Variants in PDPR observed in about 807,000 individuals in gnomAD.
PDPR encodes the protein pyruvate dehydrogenase phosphatase regulatory subunit, mitochondrial.
PDPR carries 50 observed loss-of-function variants against 102.2 expected under a neutral mutation model. That is an observed-to-expected ratio of 0.49 (90% CI 0.39 to 0.62). PDPR has a LOEUF of 0.62. PDPR is among the 20% of genes least tolerant of loss of function. PDPR has a pLI of 0.00. For synonymous variants in PDPR, 259 were observed against 406.0 expected (o/e 0.64, Z 4.35); for missense variants, 625 against 1,098.2 (o/e 0.57, Z 6.09).
Position 70,160,193 on chromosome 16 carries a change from C to T in PDPR, c.*3314C>T, listed in dbSNP as rs189169317. The stretch of plus-strand genomic sequence containing the variant: ...TTACCTCCCCTTCATCGTCAGGCCA[C>T]GTGTGACTTCTGTTCTTAGCACTGC... On this transcript the variant is annotated 3_prime_UTR_variant, in exon 19 of 19. Transcript: ENST00000288050. 1.0e-3 allele frequency: 153 copies of T among 152,856 alleles called. No individual in the cohort carries two copies. Among genetic ancestry groups the T allele is most frequent in the Non-Finnish European group, 1.5e-3 (103 of 68,336 alleles). 9.5% of individuals were successfully genotyped at this position (152,856 alleles called of 1,614,324 possible).
At position 70,153,465 on chromosome 16, in the gene PDPR, T is replaced by G; in HGVS notation, c.2127T>G (p.Ala709=). Residue 709 remains alanine, a synonymous_variant, in exon 18 of 19, where the codon GCT becomes GCG. Transcript: ENST00000288050. ...KYGIRNAGYY[A]LRSLRIEKFF... The stretch of plus-strand genomic sequence containing the variant: ...GAATCCGGAATGCTGGGTATTACGC[T>G]CTTCGCAGTCTCCGAATTGAGAAGT... The G allele has an allele frequency of 6.2e-7, 1 of 1,613,792 alleles. No homozygotes were observed. Among genetic ancestry groups the G allele is most frequent in the Non-Finnish European group, 8.5e-7 (1 of 1,179,800 alleles).
Position 70,143,716 on chromosome 16 carries a change from C to A in PDPR, c.1754+58C>A, listed in dbSNP as rs573184792. ...CCAACATGTTGATTCCTTAGGGGTG[C>A]TGTAGCAGAGGCTCTCAGGCGCTTC... On this transcript the variant is annotated intron_variant, in intron 14 of 18. Coordinates refer to ENST00000288050, the MANE Select transcript of PDPR (RefSeq NM_017990.5). 8.7e-5 allele frequency: 136 copies of A among 1,564,062 alleles called. No homozygotes were observed. In the East Asian group the frequency reaches 2.4e-3, roughly 28 times the overall value.
intron 2 of PDPR, among the ~76,000 whole-genome samples, chr16:70,117,612 C>CATGCACAGA (rs1962779997): frequency 6.6e-6 from 1 of 152,138 alleles, no homozygotes; most frequent in Admixed American, 6.5e-5. Context: ...GAGGGAACAG[C>CATGCACAGA]ATGCACAGAA....
At chr16:70,140,648 T>C (rs1965613388) in intron 11 of PDPR, among the ~76,000 whole-genome samples, 1 of 152,180 alleles carries the variant, frequency 6.6e-6, no homozygotes, top group African/African-American at 2.4e-5. Flanking sequence ...ACCCTGTCTC[T>C]ACTAAAAATA....
At position 70,133,111 on chromosome 16, in the gene PDPR, C is replaced by CTTTTTTTTTTT. The variant is rs140652740; in HGVS notation, c.997+822_997+832dup. ...GGGCATGAGCCATGATACCCAGCTG[C>CTTTTTTTTTTT]TTTTTTTTTTTTTTTTTTTTTGAGA... On this transcript the variant is annotated intron_variant, in intron 9 of 18. Coordinates refer to ENST00000288050, the MANE Select transcript of PDPR (RefSeq NM_017990.5). 1.4e-4 allele frequency among the ~76,000 whole-genome samples: 14 copies of CTTTTTTTTTTT among 97,256 alleles called. 1 individual carries two copies. The highest frequency in any genetic ancestry group is 4.1e-4 in the South Asian group (1 of 2,426). The allele number at this position is 97,256 out of a possible 152,430, so 63.8% of individuals were successfully genotyped here. A position where few individuals can be genotyped will look rare whatever the true frequency, so the allele number is the denominator to read the frequency against.
chr16:70,140,463 G>C (rs11645066), intron 11 of PDPR, among the ~76,000 whole-genome samples: 17,867 of 147,444 alleles, frequency 0.12, 1 homozygote, highest in Non-Finnish European at 0.15. Context: ...TTGAGCTTCT[G>C]CTTGGTGATA....
At chr16:70,118,309 G>A (rs1962863841) in intron 2 of PDPR, among the ~76,000 whole-genome samples, 1 of 152,230 alleles carries the variant, frequency 6.6e-6, no homozygotes, top group Non-Finnish European at 1.5e-5. Flanking sequence ...GGGTTTCAGG[G>A]AATGAGATGA....
intron 2 of PDPR, among the ~76,000 whole-genome samples, chr16:70,119,556 TC>T (rs1963007515): frequency 6.7e-6 from 1 of 148,570 alleles, no homozygotes; most frequent in African/African-American, 2.6e-5. Flanking sequence ...CATGCCGGCC[TC>T]CTTTTTGTTC....
rs201643448 is a variant in PDPR at position 70,153,462 on chromosome 16, C to A, written c.2124C>A (p.Tyr708Ter). Residue 708 changes from tyrosine to a stop codon, truncating the protein, a stop_gained, in exon 18 of 19, where the codon TAC (tyrosine) becomes TAA (stop). Coordinates refer to ENST00000288050, the MANE Select transcript of PDPR (RefSeq NM_017990.5). LOFTEE classifies it high-confidence loss of function. ...QKYGIRNAGY[Y>*]ALRSLRIEKF... ...ACGGAATCCGGAATGCTGGGTATTA[C>A]GCTCTTCGCAGTCTCCGAATTGAGA... 1.1e-5 allele frequency: 17 copies of A among 1,613,604 alleles called. No homozygotes were observed. Among genetic ancestry groups the A allele is most frequent in the Non-Finnish European group, 1.4e-5 (17 of 1,179,756 alleles).
intron 3 of PDPR, among the ~76,000 whole-genome samples, chr16:70,126,676 GTTTA>G (rs547852528): frequency 3.3e-4 from 51 of 152,284 alleles, no homozygotes; most frequent in African/African-American, 1.1e-3. Flanking sequence ...ATTTTTATTT[GTTTA>G]TTTATTTTTA....
At chr16:70,149,348 C>T (rs1238920051) in intron 17 of PDPR, among the ~76,000 whole-genome samples, 2 of 152,134 alleles carry the variant, frequency 1.3e-5, no homozygotes, top group Non-Finnish European at 2.9e-5. Context: ...TCACTGCAAC[C>T]TTCGCCTCCC....
intron 17 of PDPR, among the ~76,000 whole-genome samples, chr16:70,150,086 GC>G (rs1191760820): frequency 2.0e-5 from 3 of 150,196 alleles, no homozygotes; most frequent in African/African-American, 7.4e-5. Context: ...ACCGCACCCG[GC>G]CGGCTTTTTT....
intron 13 of PDPR, 76 bp from the exon 14 acceptor site, chr16:70,143,434 C>T: frequency 6.5e-7 from 1 of 1,543,098 alleles, no homozygotes; most frequent in Non-Finnish European, 8.8e-7. Context: ...CAATGAGGTT[C>T]ATTGCTGGTG....
At position 70,160,827 on chromosome 16, in the gene PDPR, G is replaced by T. The variant is rs555748740; in HGVS notation, c.*3948G>T. ...AGAATGATGGGAGCTTTCCGAGAGC[G>T]TTCAGTGTTTCACTGAAGACAGGAC... On this transcript the variant is annotated 3_prime_UTR_variant, in exon 19 of 19. Coordinates refer to ENST00000288050, the MANE Select transcript of PDPR (RefSeq NM_017990.5). 5.2e-5 allele frequency: 8 copies of T among 152,416 alleles called. No homozygotes were observed. The highest frequency in any genetic ancestry group is 1.9e-4 in the African/African-American group (8 of 41,480). 9.4% of individuals were successfully genotyped at this position (152,416 alleles called of 1,614,324 possible).
chr16:70,146,812 G>T (rs1430785356), intron 16 of PDPR, among the ~76,000 whole-genome samples: 1 of 54,598 alleles, frequency 1.8e-5, no homozygotes, highest in Non-Finnish European at 3.7e-5. Context: ...ATGTTGCAGT[G>T]AGCCGAGATT....
chr16:70,132,519 T>A (rs988752015), intron 9 of PDPR, among the ~76,000 whole-genome samples: 1 of 152,272 alleles, frequency 6.6e-6, no homozygotes, highest in Non-Finnish European at 1.5e-5. Context: ...GCCTTATTCT[T>A]TTTTAATTTT....
At position 70,153,546 on chromosome 16, in the gene PDPR, A is replaced by G; in HGVS notation, c.2208A>G (p.Gly736=). The change falls in exon 18 of 19, where the codon GGA becomes GGG. Residue 736 remains glycine (G), a synonymous_variant. Transcript: ENST00000288050. ...ACCTCACCACGCCCCTGGAATGTGG[A>G]CGAGAGTCTCGGGTGAAATTAGAGA... The part of the protein sequence containing the change: ...INNLTTPLEC[G]RESRVKLEKG... 6.2e-7 allele frequency: 1 copy of G among 1,609,548 alleles called. No homozygotes were observed. The highest frequency in any genetic ancestry group is 8.5e-7 in the Non-Finnish European group (1 of 1,178,336).
chr16:70,124,755 C>A (rs1209933032), intron 3 of PDPR, among the ~76,000 whole-genome samples: 1 of 152,192 alleles, frequency 6.6e-6, no homozygotes, highest in African/African-American at 2.4e-5. Context: ...CACACAGTTA[C>A]AAAGATGATA....
intron 4 of PDPR, 100 bp from the exon 5 acceptor site, chr16:70,128,684 G>A: frequency 6.3e-7 from 1 of 1,592,556 alleles, no homozygotes. Flanking sequence ...GCAGTCCCAG[G>A]ATTCATCACA....
Sources: allele counts gnomAD v4.1 joint callset (sites outside exome capture counted in the v4.1 genomes callset), GRCh38; gene constraint gnomAD v4.1.1; transcripts MANE v1.5; gene names NCBI Gene and HGNC (gene_info 2026-07-23, HGNC 2026-07-21).